Variants in ARSL observed in about 807,000 individuals in gnomAD.
The protein encoded by ARSL is arylsulfatase E (chondrodysplasia punctata 1).
A neutral mutation model predicts 31.1 loss-of-function variants in ARSL; 4 were observed. That is an observed-to-expected ratio of 0.13 (90% confidence interval 0.06 to 0.29). The LOEUF (loss-of-function observed/expected upper bound fraction) is 0.29, where lower values mean the gene tolerates loss of function less well. ARSL is among the 10% of genes least tolerant of loss of function. ARSL has a pLI of 1.00. For synonymous variants in ARSL, 198 were observed against 209.9 expected, an observed-to-expected ratio of 0.94 and a Z score of 0.49; for missense variants, 312 against 497.8, an observed-to-expected ratio of 0.63 and a Z score of 3.55.
At chrX:2,962,239 G>A (rs1179705759) in intron 1 of ARSL, among the ~76,000 whole-genome samples, 2 of 111,594 alleles carry the variant, frequency 1.8e-5, no homozygotes, top group Admixed American at 1.9e-4. Flanking sequence ...TGTGTCATGG[G>A]CCATGGTCAC....
Position 2,943,080 on chromosome X carries a change from T to G in ARSL, c.1111A>C (p.Asn371His). 2 of 1,211,024 alleles carry G rather than the reference T, an allele frequency of 1.7e-6. No individual in the cohort carries two copies. The highest frequency in any genetic ancestry group is 2.2e-6 in the Non-Finnish European group (2 of 895,253). Residue 371 changes from asparagine (N) to histidine (H), a missense_variant, in exon 8 of 11, where the codon AAT (asparagine) becomes CAT (histidine). Coordinates refer to ENST00000381134, the MANE Select transcript of ARSL (RefSeq NM_000047.3). The stretch of plus-strand genomic sequence containing the variant: ...TCAGTCTTACCTTTATAAATTCCAT[T>G]CCAGCCACCATACTGGGTGTTTCCA... ...QLGNTQYGGWNGIYKGGKGMG... is the reference protein window; with the variant it reads ...QLGNTQYGGWHGIYKGGKGMG...
chrX:2,948,890 T>C (rs1282860520), intron 6 of ARSL, among the ~76,000 whole-genome samples: 1 of 111,394 alleles, frequency 9.0e-6, no homozygotes, highest in Non-Finnish European at 1.9e-5. Context: ...TTCTAGGTCA[T>C]GGCTATCCCA....
chrX:2,957,694 G>C (rs1191170623), intron 3 of ARSL, among the ~76,000 whole-genome samples: 1 of 95,936 alleles, frequency 1.0e-5, no homozygotes, highest in Non-Finnish European at 2.0e-5. Flanking sequence ...GGGCAACACA[G>C]TGAGATTCTG....
At chrX:2,964,940 A>G (rs1017662785), upstream of ARSL, among the ~76,000 whole-genome samples, 30 of 110,738 alleles carry the variant, frequency 2.7e-4, no homozygotes, top group African/African-American at 9.8e-4. Context: ...CCCTGTCTCT[A>G]TAAATAATAA....
chrX:2,966,785 C>T (rs2089702950), upstream of ARSL, among the ~76,000 whole-genome samples: 1 of 108,472 alleles, frequency 9.2e-6, no homozygotes. Context: ...ACGTACACAT[C>T]TACATATAAA....
intron 2 of ARSL, chrX:2,959,824 G>C: frequency 1.2e-6 from 1 of 800,645 alleles, no homozygotes; most frequent in Non-Finnish European, 1.7e-6. Context: ...GGGAGGCCAA[G>C]GTGGGAGCAT....
rs746787848 is a variant in ARSL at position 2,938,272 on chromosome X, A to G, written c.1127-15T>C. ...GCCCTTCCCACCTGGGTTTGAACAG[A>G]AACAAAAGAAAGTGGTTAAAAACCA... On this transcript the variant is annotated splice_polypyrimidine_tract_variant and intron_variant, in intron 8 of 10. Coordinates refer to ENST00000381134, the MANE Select transcript of ARSL (RefSeq NM_000047.3). 1 of 1,210,048 alleles carries G rather than the reference A, an allele frequency of 8.3e-7. No homozygotes were observed.
At chrX:2,960,838 G>C (rs1315800492) in intron 1 of ARSL, among the ~76,000 whole-genome samples, 1 of 111,401 alleles carries the variant, frequency 9.0e-6, no homozygotes, top group Admixed American at 9.6e-5. Context: ...TGCAGAGAGA[G>C]AGTCCTGATT....
rs201397574 is a variant in ARSL at position 2,953,134 on chromosome X, C to T, written c.430+9G>A. 6 of 1,207,001 alleles carry T rather than the reference C, an allele frequency of 5.0e-6. No individual in the cohort carries two copies. Among genetic ancestry groups the T allele is most frequent in the Middle Eastern group, 2.3e-4 (1 of 4,322 alleles). ...GTCATGTGCTTACCACTTTTAAAAA[C>T]GTACATACCAATGAGTCCAGTGGCA... On this transcript the variant is annotated intron_variant, in intron 5 of 10. Coordinates refer to ENST00000381134, the MANE Select transcript of ARSL (RefSeq NM_000047.3).
chrX:2,959,589 C>T (rs778920457), intron 2 of ARSL: 70 of 1,139,560 alleles, frequency 6.1e-5, no homozygotes, highest in Non-Finnish European at 7.6e-5. Context: ...CCGATGGTAG[C>T]GGTTGATGCC....
chrX:2,957,860 A>C (rs1349695469), intron 3 of ARSL, among the ~76,000 whole-genome samples: 1 of 109,800 alleles, frequency 9.1e-6, no homozygotes, highest in Non-Finnish European at 1.9e-5. Context: ...CCTCTACAAG[A>C]AACTTACAAA....
Position 2,962,018 on chromosome X carries a change from C to G in ARSL, c.-20-1598G>C, listed in dbSNP as rs368949698. Among the ~76,000 whole-genome samples the G allele has an allele frequency of 2.2e-4, 24 of 110,617 alleles. 4 individuals carry two copies. Among genetic ancestry groups the G allele is most frequent in the South Asian group, 1.2e-3 (3 of 2,566 alleles). On this transcript the variant is annotated intron_variant, in intron 1 of 10. Coordinates refer to ENST00000381134, the MANE Select transcript of ARSL (RefSeq NM_000047.3). ...GCCTCAGCCTCCTAGGATCCCAGGT[C>G]TTTAGATGAACTCAACCAATTGTCA...
chrX:2,948,615 C>T (rs140180682), intron 6 of ARSL, among the ~76,000 whole-genome samples: 1,481 of 111,259 alleles, frequency 0.013, 16 homozygotes, highest in African/African-American at 0.045. Flanking sequence ...CTCAGCCTCC[C>T]AAGTAGCTGG....
intron 1 of ARSL, among the ~76,000 whole-genome samples, chrX:2,961,533 C>A (rs73437573): frequency 0.022 from 2,426 of 111,640 alleles, 73 homozygotes; most frequent in African/African-American, 0.074. Flanking sequence ...AACATGAGAC[C>A]AATAAGAAAA....
rs147410246 is a variant in ARSL, at chrX:2,945,851, G to A, written c.991+147C>T. The A allele has an allele frequency of 6.8e-4, 521 of 761,349 alleles. No individual in the cohort carries two copies. The African/African-American group carries it at 9.7e-3, about 14-fold the overall frequency. The allele number at this position is 761,349 out of a possible 1,213,427, so 62.7% of individuals were successfully genotyped here. On this transcript the variant is annotated intron_variant, in intron 7 of 10. Coordinates refer to ENST00000381134, the MANE Select transcript of ARSL (RefSeq NM_000047.3). ...CCCTCTGCTAATGCAGTGAAGATCT[G>A]TGCTATAATATTTTGCACTCTTAAA... is the stretch of plus-strand genomic sequence containing the variant.
chrX:2,958,166 C>T, intron 3 of ARSL, 108 bp downstream of exon 3: 1 of 1,064,628 alleles, frequency 9.4e-7, no homozygotes, highest in Non-Finnish European at 1.3e-6. Flanking sequence ...GTGCAGAACT[C>T]TTGAAGTGTG....
upstream of ARSL, among the ~76,000 whole-genome samples, chrX:2,967,494 C>G (rs2089708045): frequency 9.0e-6 from 1 of 111,705 alleles, no homozygotes; most frequent in Non-Finnish European, 1.9e-5. Flanking sequence ...AGCTGGCACA[C>G]TCTGGCCTTT....
rs1191532000 is a variant in ARSL, at chrX:2,954,211, T to C, written c.308-946A>G. Among the ~76,000 whole-genome samples the C allele has an allele frequency of 5.4e-5, 6 of 111,291 alleles. No individual in the cohort carries two copies. In the Admixed American group the frequency reaches 5.8e-4, roughly 11 times the overall value. ...ATGGTGGGAATATCCTCTGGATGAT[T>C]CTAACGTACTGACAAGGTTGGTAGC... On this transcript the variant is annotated intron_variant, in intron 4 of 10. Coordinates refer to ENST00000381134, the MANE Select transcript of ARSL (RefSeq NM_000047.3).
intron 2 of ARSL, chrX:2,959,719 A>C: frequency 8.7e-7 from 1 of 1,143,589 alleles, no homozygotes; most frequent in Non-Finnish European, 1.2e-6. Context: ...CTCCAGATGC[A>C]GGATAAATCA....
Sources: gnomAD v4.1 joint callset for allele counts (sites outside exome capture counted in the v4.1 genomes callset) on GRCh38, gnomAD v4.1.1 for gene constraint, MANE v1.5 for transcripts, NCBI Gene and HGNC (gene_info 2026-07-23, HGNC 2026-07-21) for gene names.